The following ALMS1 variants were observed in gnomAD, a reference collection of about 807,000 sequenced individuals.
ALMS1 encodes the protein centrosome-associated protein ALMS1.
ALMS1 carries 271 observed loss-of-function variants against 352.2 expected under a neutral mutation model. The observed-to-expected ratio is 0.77, with a 90% CI of 0.70 to 0.85. The LOEUF (loss-of-function observed/expected upper bound fraction) is 0.85, where lower values mean the gene tolerates loss of function less well. Among genes scored for constraint, ALMS1 ranks in the 40% least tolerant of loss-of-function variants. The pLI is 0.00. For synonymous variants in ALMS1, 1,865 were observed against 1,761.2 expected, an observed-to-expected ratio of 1.06 and a Z score of -1.48; for missense variants, 5,445 against 4,870.7, an observed-to-expected ratio of 1.12 and a Z score of -3.51.
chr2:73,524,565 G>A (rs1311139303), intron 11 of ALMS1, among the ~76,000 whole-genome samples: 1 of 151,984 alleles, frequency 6.6e-6, no homozygotes, highest in Admixed American at 6.6e-5. Context: ...AAGCAATTCT[G>A]CCTCAGCCTC....
intron 1 of ALMS1, among the ~76,000 whole-genome samples, chr2:73,388,105 GC>G (rs1670575578): frequency 6.6e-6 from 1 of 151,954 alleles, no homozygotes; most frequent in Non-Finnish European, 1.5e-5. Flanking sequence ...GAAGGAGAAG[GC>G]TGGGCTAGAG....
At chr2:73,494,734 A>G (rs187412330) in intron 10 of ALMS1, among the ~76,000 whole-genome samples, 1 of 152,346 alleles carries the variant, frequency 6.6e-6, no homozygotes, top group African/African-American at 2.4e-5. Context: ...GTTGATATAC[A>G]TTACTGGTGA....
intron 10 of ALMS1, among the ~76,000 whole-genome samples, chr2:73,497,696 A>G (rs1673138015): frequency 6.6e-6 from 1 of 152,186 alleles, no homozygotes; most frequent in African/African-American, 2.4e-5. Flanking sequence ...CAGCTCCATC[A>G]AAGTTACTGC....
rs1671852373 is a variant in ALMS1 at position 73,448,472 on chromosome 2, T to C, written c.1945T>C (p.Ser649Pro). ...SNLTEEPLEV[S>P]AAPGPVEQKT... ...CTTAACCGAAGAGCCTTTGGAAGTT[T>C]CAGCTGCTCCTGGCCCAGTGGAGCA... is the stretch of plus-strand genomic sequence containing the variant. Residue 649 changes from serine (S) to proline (P), a missense_variant, in exon 8 of 23, where the codon TCA becomes CCA. Ser to Pro is a moderately conservative substitution (Grantham distance 74, BLOSUM62 -1). Coordinates refer to ENST00000613296, the MANE Select transcript of ALMS1 (RefSeq NM_001378454.1). The C allele has an allele frequency of 6.2e-7, 1 of 1,613,510 alleles. No homozygotes were observed. Among genetic ancestry groups the C allele is most frequent in the South Asian group, 1.1e-5 (1 of 91,062 alleles).
intron 12 of ALMS1, among the ~76,000 whole-genome samples, chr2:73,547,032 A>T (rs1047758390): frequency 6.6e-6 from 1 of 152,212 alleles, no homozygotes; most frequent in African/African-American, 2.4e-5. Context: ...TATGGAAATG[A>T]TACACATTTA....
At chr2:73,433,694 G>A (rs946837554) in intron 7 of ALMS1, among the ~76,000 whole-genome samples, 6 of 152,010 alleles carry the variant, frequency 3.9e-5, no homozygotes, top group Admixed American at 6.6e-5. Context: ...AGTCTGGAAA[G>A]GATTGGTATT....
chr2:73,488,296 G>T (rs1672898829), intron 9 of ALMS1, among the ~76,000 whole-genome samples: 1 of 152,220 alleles, frequency 6.6e-6, no homozygotes, highest in Non-Finnish European at 1.5e-5. Context: ...GGGCGGCAGG[G>T]GGCTGGTGTG....
chr2:73,594,832 G>T (rs542686885), intron 16 of ALMS1, among the ~76,000 whole-genome samples: 4 of 152,268 alleles, frequency 2.6e-5, no homozygotes, highest in Non-Finnish European at 4.4e-5. Flanking sequence ...TTCCACATGG[G>T]CTGTGGTATC....
chr2:73,399,793 C>G (rs1388935573), intron 1 of ALMS1, among the ~76,000 whole-genome samples: 1 of 151,964 alleles, frequency 6.6e-6, no homozygotes, highest in Non-Finnish European at 1.5e-5. Context: ...TGTAGATACT[C>G]TATGTCAAGT....
At chr2:73,495,433 A>C (rs1301851290) in intron 10 of ALMS1, among the ~76,000 whole-genome samples, 1 of 152,010 alleles carries the variant, frequency 6.6e-6, no homozygotes, top group Admixed American at 6.6e-5. Flanking sequence ...ACAGGGTTTC[A>C]CCATGTTGGC....
rs539158636 is a variant in ALMS1, at chr2:73,424,559, C to T, written c.894C>T (p.His298=). Residue 298 remains histidine (H), a synonymous_variant, in exon 5 of 23, where the codon CAC becomes CAT. Coordinates refer to ENST00000613296, the MANE Select transcript of ALMS1 (RefSeq NM_001378454.1). ...GCAGTCGCTTTAGTGTATCTCAGCACCCGCTTATAGGCAGCACAGCTGTTG... is the reference window on the plus strand; with the variant it reads ...GCAGTCGCTTTAGTGTATCTCAGCATCCGCTTATAGGCAGCACAGCTGTTG... ...LASSRFSVSQ[H]PLIGSTAVGS... 1 of 1,613,904 alleles carries T rather than the reference C, an allele frequency of 6.2e-7. No homozygotes were observed. The highest frequency in any genetic ancestry group is 1.3e-5 in the African/African-American group (1 of 75,024).
At chr2:73,580,248 C>A (rs561315366) in intron 16 of ALMS1, among the ~76,000 whole-genome samples, 111 of 152,218 alleles carry the variant, frequency 7.3e-4, no homozygotes, top group South Asian at 1.5e-3. Context: ...TCATCTCATT[C>A]TGTTTTCTTT....
chr2:73,561,304 A>G (rs199696748), intron 15 of ALMS1, among the ~76,000 whole-genome samples: 2 of 151,152 alleles, frequency 1.3e-5, no homozygotes, highest in Admixed American at 1.3e-4. Flanking sequence ...AACTCATTCC[A>G]TAAAACAAAG....
In ALMS1 at chr2:73,490,370, GTTCTT is replaced by G; in HGVS notation, c.8415_8419del (p.Phe2806ArgfsTer16). 6.2e-7 allele frequency: 1 copy of G among 1,613,338 alleles called. No homozygotes were observed. Among genetic ancestry groups the G allele is most frequent in the Non-Finnish European group, 8.5e-7 (1 of 1,179,692 alleles). ...CAAAAATTACCTGTTGATTTTGAGCGTTCTTTTCAAGAAGAAAAACCCTTAGAAAG... is the reference window on the plus strand; with the variant it reads ...CAAAAATTACCTGTTGATTTTGAGCGTTCAAGAAGAAAAACCCTTAGAAAG... On this transcript the variant is annotated frameshift_variant, in exon 10 of 23. Coordinates refer to ENST00000613296, the MANE Select transcript of ALMS1 (RefSeq NM_001378454.1). LOFTEE classifies it high-confidence loss of function.
intron 9 of ALMS1, among the ~76,000 whole-genome samples, chr2:73,485,921 C>T (rs932078321): frequency 6.6e-6 from 1 of 152,082 alleles, no homozygotes; most frequent in Non-Finnish European, 1.5e-5. Context: ...AATGCCTTGC[C>T]CTGCTTCGTC....
In ALMS1 at chr2:73,432,431, T is replaced by G. The variant is rs909600494; in HGVS notation, c.1432+140T>G. On this transcript the variant is annotated intron_variant, in intron 7 of 22. Transcript: ENST00000613296. The stretch of plus-strand genomic sequence containing the variant: ...ATTAGATGTGTTTATAAATCCTGTC[T>G]TAGTCTCTTTAGACTGCTATTACAA... 4.7e-6 allele frequency: 3 copies of G among 634,638 alleles called. No homozygotes were observed. The Admixed American group carries it at 7.3e-5, about 15-fold the overall frequency. 39.3% of individuals were successfully genotyped at this position (634,638 alleles called of 1,614,324 possible).
At chr2:73,427,613 T>C (rs1246097126) in intron 6 of ALMS1, among the ~76,000 whole-genome samples, 1 of 152,094 alleles carries the variant, frequency 6.6e-6, no homozygotes, top group Non-Finnish European at 1.5e-5. Context: ...CATTAGGTAT[T>C]TCTCCTAATG....
intron 1 of ALMS1, among the ~76,000 whole-genome samples, chr2:73,396,666 C>T (rs757212748): frequency 9.1e-4 from 117 of 128,256 alleles, no homozygotes; most frequent in African/African-American, 3.1e-3. Flanking sequence ...TTTTTTGAGA[C>T]GGAGTCTTGC....
intron 9 of ALMS1, among the ~76,000 whole-genome samples, chr2:73,474,411 C>CTGTG (rs10526164): frequency 0.51 from 75,436 of 148,436 alleles, 21,900 homozygotes; most frequent in East Asian, 0.77. Context: ...GTGTGTGTGT[C>CTGTG]TATTGGTTTA....
Sources: gnomAD v4.1 joint callset for allele counts (sites outside exome capture counted in the v4.1 genomes callset) on GRCh38, gnomAD v4.1.1 for gene constraint, MANE v1.5 for transcripts, NCBI Gene and HGNC (gene_info 2026-07-23, HGNC 2026-07-21) for gene names.